CACNA1H: variants seen among roughly 807,000 people sequenced by gnomAD.
The protein encoded by CACNA1H is voltage-dependent T-type calcium channel subunit alpha-1H.
CACNA1H carries 149 observed loss-of-function variants against 192.5 expected under a neutral mutation model. The ratio of observed to expected loss-of-function variants is 0.77; its 90% CI spans 0.68 to 0.89. The LOEUF is 0.89. Among genes scored for constraint, CACNA1H ranks in the 40% least tolerant of loss-of-function variants. The pLI, the probability that CACNA1H is intolerant of heterozygous loss-of-function variation, is 0.00. For missense variants in CACNA1H, 4,257 were observed against 3,423.5 expected (o/e 1.24, Z -6.08); for synonymous variants, 2,202 against 1,475.2 (o/e 1.49, Z -11.29).
chr16:1,153,902 G>C lies in CACNA1H; in HGVS notation c.165G>C (p.Ala55=). The change falls in exon 2 of 35, where the codon GCG becomes GCC. Residue 55 remains alanine, a synonymous_variant. Transcript: ENST00000348261. ...ELGVSPSESP[A]AERGAELGAD... Reference sequence around the variant, plus strand: ...GCGTGTCACCCTCCGAGAGCCCGGCGGCCGAGCGCGGCGCGGAGCTGGGTG... The same window carrying C: ...GCGTGTCACCCTCCGAGAGCCCGGCCGCCGAGCGCGGCGCGGAGCTGGGTG... 6.9e-7 allele frequency: 1 copy of C among 1,451,948 alleles called. No individual in the cohort carries two copies. Among genetic ancestry groups the C allele is most frequent in the Non-Finnish European group, 9.1e-7 (1 of 1,103,030 alleles). 89.9% of individuals were successfully genotyped at this position (1,451,948 alleles called of 1,614,324 possible). A position where few individuals can be genotyped will look rare whatever the true frequency, so the allele number is the denominator to read the frequency against.
At chr16:1,162,814 A>G (rs1963356447) in intron 2 of CACNA1H, among the ~76,000 whole-genome samples, 1 of 152,088 alleles carries the variant, frequency 6.6e-6, no homozygotes, top group Non-Finnish European at 1.5e-5. Flanking sequence ...TGTGGCGTGA[A>G]GGCCGAGGGA....
chr16:1,208,972 A>G (rs1969094248), intron 16 of CACNA1H, 60 bp from the exon 17 acceptor site: 1 of 1,393,864 alleles, frequency 7.2e-7, no homozygotes, highest in Non-Finnish European at 9.3e-7. Context: ...GTGCTCCGTA[A>G]TGACAGCGGT....
chr16:1,186,556 CTG>C (rs1567477785), intron 2 of CACNA1H, among the ~76,000 whole-genome samples: 1 of 152,104 alleles, frequency 6.6e-6, no homozygotes, highest in African/African-American at 2.4e-5. Flanking sequence ...GGGAACGTCT[CTG>C]TACCTCTGCA....
At chr16:1,212,333 A>C (rs1456646972) in intron 25 of CACNA1H, among the ~76,000 whole-genome samples, 178 bp from the exon 26 acceptor site, 6 of 151,662 alleles carry the variant, frequency 4.0e-5, no homozygotes, top group Non-Finnish European at 8.8e-5. Flanking sequence ...ATGGCAGGAG[A>C]GGAGGAGACA....
At chr16:1,214,922 A>T (rs775715128) in intron 27 of CACNA1H, 50 bp from the exon 28 acceptor site, 9 of 1,356,308 alleles carry the variant, frequency 6.6e-6, no homozygotes, top group Non-Finnish European at 9.3e-6. Context: ...GCCAGGGGGA[A>T]GAGGGGTGGC....
In CACNA1H at chr16:1,207,788, G is replaced by T. The variant is rs745354512; in HGVS notation, c.3082G>T (p.Asp1028Tyr). The change falls in exon 15 of 35, where the codon GAC (aspartate) becomes TAC (tyrosine). Residue 1028 changes from aspartate to tyrosine, a missense_variant. Physicochemically the swap from Asp to Tyr is radical, Grantham distance 160. Coordinates refer to ENST00000348261, the MANE Select transcript of CACNA1H (RefSeq NM_021098.3). ...FQAEGDANRS[D>Y]TDEDKTSVHF... ...GGTTTAGGGCGATGCCAACAGATCC[G>T]ACACGGACGAGGACAAGACGTCGGT... The T allele has an allele frequency of 6.2e-7, 1 of 1,600,592 alleles. No individual in the cohort carries two copies. The highest frequency in any genetic ancestry group is 1.1e-5 in the South Asian group (1 of 88,582).
rs763776082 is a variant in CACNA1H, at chr16:1,195,548, C to G, written c.528C>G (p.Phe176Leu). ...YLGDTWNRLD[F>L]FIVVAGMMEY... ...GTGACACGTGGAACAGGCTGGATTT[C>G]TTCATCGTCGTGGCGGGGTAGGCCC... The change falls in exon 4 of 35, where the codon TTC (phenylalanine) becomes TTG (leucine). Residue 176 changes from phenylalanine (F) to leucine (L), a missense_variant. Transcript: ENST00000348261. The G allele has an allele frequency of 6.2e-7, 1 of 1,605,008 alleles. No homozygotes were observed. The highest frequency in any genetic ancestry group is 8.5e-7 in the Non-Finnish European group (1 of 1,176,184).
chr16:1,169,298 C>T (rs138763174), intron 2 of CACNA1H, among the ~76,000 whole-genome samples: 2,672 of 152,288 alleles, frequency 0.018, 45 homozygotes, highest in Non-Finnish European at 0.025. Context: ...CTGCCCCAAA[C>T]AGCACTTGGT....
intron 2 of CACNA1H, among the ~76,000 whole-genome samples, chr16:1,160,436 TGGGGGCGG>T (rs1184788006): frequency 1.3e-5 from 2 of 152,006 alleles, no homozygotes; most frequent in Non-Finnish European, 2.9e-5. Context: ...TCAGAGATGG[TGGGGGCGG>T]GGCTCGGGGA....
Position 1,218,873 on chromosome 16 carries a change from A to AGGAGGATGGTGGCAGGTTGGG in CACNA1H, c.5888-90_5888-70dup. ...CGGGTCGGGCTGGGGCTGGCCAGGA[A>AGGAGGATGGTGGCAGGTTGGG]GGAGGATGGTGGCAGGTTGGGGGAG... On this transcript the variant is annotated intron_variant, in intron 33 of 34. Coordinates refer to ENST00000348261, the MANE Select transcript of CACNA1H (RefSeq NM_021098.3). The AGGAGGATGGTGGCAGGTTGGG allele has an allele frequency of 2.9e-6, 3 of 1,034,478 alleles. No individual in the cohort carries two copies. The East Asian group carries it at 1.4e-4, about 50-fold the overall frequency. The allele number at this position is 1,034,478 out of a possible 1,614,324, so 64.1% of individuals were successfully genotyped here.
intron 2 of CACNA1H, among the ~76,000 whole-genome samples, chr16:1,164,105 C>A (rs1462144565): frequency 6.6e-6 from 1 of 152,210 alleles, no homozygotes; most frequent in Non-Finnish European, 1.5e-5. Context: ...ACTTTTGCCT[C>A]TCCCAGAAGC....
At chr16:1,187,407 G>GT (rs1216747059) in intron 2 of CACNA1H, among the ~76,000 whole-genome samples, 4 of 152,234 alleles carry the variant, frequency 2.6e-5, no homozygotes, top group Non-Finnish European at 4.4e-5. Flanking sequence ...GGGGTCCTGA[G>GT]TGGGGGGCTG....
intron 10 of CACNA1H, among the ~76,000 whole-genome samples, 161 bp downstream of exon 10, chr16:1,204,619 C>T (rs899823439): frequency 7.9e-5 from 12 of 152,132 alleles, no homozygotes; most frequent in African/African-American, 2.9e-4. Context: ...CCAGGTGTGC[C>T]GAGCCTCCAC....
At chr16:1,169,167 T>TGGGGGG (rs1964107532) in intron 2 of CACNA1H, among the ~76,000 whole-genome samples, 1 of 6,352 alleles carries the variant, frequency 1.6e-4, no homozygotes, top group Non-Finnish European at 3.4e-4. Flanking sequence ...TGCGGCGGGG[T>TGGGGGG]GGGGGTGGGG....
Position 1,210,813 on chromosome 16 carries a change from C to T in CACNA1H, c.4065C>T (p.Gly1355=), listed in dbSNP as rs771718484. Residue 1355 remains glycine (G), a synonymous_variant, in exon 21 of 35, where the codon GGC becomes GGT. Transcript: ENST00000348261. ...VKVVALGLLS[G]EHAYLQSSWN... ...TGGTGGCCCTGGGGCTGCTGTCCGG[C>T]GAGCACGCCTACCTGCAGAGCAGCT... is the stretch of plus-strand genomic sequence containing the variant. 52 of 1,602,414 alleles carry T rather than the reference C, an allele frequency of 3.2e-5. No individual in the cohort carries two copies. Among genetic ancestry groups the T allele is most frequent in the African/African-American group, 2.7e-5 (2 of 74,930 alleles).
At chr16:1,171,007 T>A (rs1331920786) in intron 2 of CACNA1H, among the ~76,000 whole-genome samples, 1 of 151,952 alleles carries the variant, frequency 6.6e-6, no homozygotes, top group African/African-American at 2.4e-5. Flanking sequence ...AGATCCTCTC[T>A]CTAGCTCTCC....
At position 1,221,588 on chromosome 16, in the gene CACNA1H, C is replaced by G. The variant is rs561774721; in HGVS notation, c.*594C>G. ...GACCCCATGGAGTAACGCGCCCGGCCCCGATGCGAATCAGGCCTCCCCTAC... is the reference window on the plus strand; with the variant it reads ...GACCCCATGGAGTAACGCGCCCGGCGCCGATGCGAATCAGGCCTCCCCTAC... On this transcript the variant is annotated 3_prime_UTR_variant, in exon 35 of 35. Coordinates refer to ENST00000348261, the MANE Select transcript of CACNA1H (RefSeq NM_021098.3). The G allele has an allele frequency of 2.0e-5, 12 of 605,182 alleles. 1 individual carries two copies. Among genetic ancestry groups the G allele is most frequent in the South Asian group, 1.9e-4 (9 of 47,186 alleles). 37.5% of individuals were successfully genotyped at this position (605,182 alleles called of 1,614,324 possible).
In CACNA1H at chr16:1,154,010, C is replaced by A; in HGVS notation, c.273C>A (p.Ser91Arg). ...FCLGQTTRPR[S>R]WCLRLVCNPW... Reference sequence around the variant, plus strand: ...TCGGTCAGACCACGCGGCCGCGCAGCTGGTGCCTCCGGCTGGTCTGCAACC... The same window carrying A: ...TCGGTCAGACCACGCGGCCGCGCAGATGGTGCCTCCGGCTGGTCTGCAACC... The change falls in exon 2 of 35, where the codon AGC (serine) becomes AGA (arginine). Residue 91 changes from serine (S) to arginine (R), a missense_variant. Transcript: ENST00000348261. 1 of 1,333,548 alleles carries A rather than the reference C, an allele frequency of 7.5e-7. No homozygotes were observed. Among genetic ancestry groups the A allele is most frequent in the Non-Finnish European group, 9.7e-7 (1 of 1,029,538 alleles). 82.6% of individuals were successfully genotyped at this position (1,333,548 alleles called of 1,614,324 possible). A position where few individuals can be genotyped will look rare whatever the true frequency, so the allele number is the denominator to read the frequency against.
intron 32 of CACNA1H, 22 bp downstream of exon 32, chr16:1,218,062 C>G: frequency 6.3e-7 from 1 of 1,591,146 alleles, no homozygotes; most frequent in Non-Finnish European, 8.6e-7. Flanking sequence ...GGCCATGCCT[C>G]TGGCACCTGG....
Sources: gnomAD v4.1 joint callset for allele counts (sites outside exome capture counted in the v4.1 genomes callset) on GRCh38, gnomAD v4.1.1 for gene constraint, MANE v1.5 for transcripts, NCBI Gene and HGNC (gene_info 2026-07-23, HGNC 2026-07-21) for gene names.